Variants in CNST observed in about 807,000 individuals in gnomAD.
The protein encoded by CNST is consortin.
Under a neutral mutation model 72.4 loss-of-function variants are expected in CNST, and 39 were observed. The observed-to-expected ratio is 0.54, with a 90% CI of 0.42 to 0.70. The LOEUF (loss-of-function observed/expected upper bound fraction) is 0.70, where lower values mean the gene tolerates loss of function less well. Ranked by LOEUF, CNST falls within the 30% of genes least tolerant of loss-of-function variation. CNST has a pLI of 0.00. For synonymous variants in CNST, 332 were observed against 320.1 expected, an observed-to-expected ratio of 1.04 and a Z score of -0.40; for missense variants, 871 against 868.5, an observed-to-expected ratio of 1.00 and a Z score of -0.04.
chr1:246,590,228 C>T (rs1225350941), intron 1 of CNST, among the ~76,000 whole-genome samples: 2 of 152,154 alleles, frequency 1.3e-5, no homozygotes, highest in African/African-American at 4.8e-5. Flanking sequence ...ATCGAGCAAG[C>T]GTGGGGAGCG....
intron 2 of CNST, among the ~76,000 whole-genome samples, chr1:246,616,433 C>T (rs1457264298): frequency 6.6e-6 from 1 of 152,124 alleles, no homozygotes; most frequent in Non-Finnish European, 1.5e-5. Flanking sequence ...TGGTGTGTGC[C>T]TGTGGTTCCA....
chr1:246,649,363 A>G (rs1159435459), intron 9 of CNST, among the ~76,000 whole-genome samples: 1 of 152,190 alleles, frequency 6.6e-6, no homozygotes, highest in Non-Finnish European at 1.5e-5. Context: ...TTTTTCCACA[A>G]TGTTAAAAAT....
chr1:246,647,055 A>G, intron 8 of CNST, 84 bp from the exon 9 acceptor site: 1 of 1,204,834 alleles, frequency 8.3e-7, no homozygotes, highest in African/African-American at 1.5e-5. Context: ...TTGCTGTATT[A>G]CACATATTCA....
At chr1:246,622,882 G>A (rs917798948) in intron 3 of CNST, among the ~76,000 whole-genome samples, 4 of 152,046 alleles carry the variant, frequency 2.6e-5, no homozygotes, top group African/African-American at 4.8e-5. Flanking sequence ...GGAGTGCAGC[G>A]GCATGATCTC....
chr1:246,608,609 G>A (rs1448847707), intron 2 of CNST, among the ~76,000 whole-genome samples: 2 of 152,200 alleles, frequency 1.3e-5, no homozygotes, highest in African/African-American at 4.8e-5. Flanking sequence ...GGAGCTTGCG[G>A]GAGTCACATA....
At chr1:246,602,677 A>C (rs1558546937) in intron 2 of CNST, among the ~76,000 whole-genome samples, 1 of 152,298 alleles carries the variant, frequency 6.6e-6, no homozygotes, top group East Asian at 1.9e-4. Context: ...AGGTTGTAAA[A>C]GGGCACAAAT....
intron 1 of CNST, among the ~76,000 whole-genome samples, chr1:246,568,899 ATATATT>A (rs1659888973): frequency 6.6e-6 from 1 of 152,010 alleles, no homozygotes; most frequent in Non-Finnish European, 1.5e-5. Context: ...TTACATTTAA[ATATATT>A]TATTTATTTG....
intron 1 of CNST, among the ~76,000 whole-genome samples, chr1:246,585,701 ACACACACAC>A (rs1278988391): frequency 9.7e-4 from 138 of 142,656 alleles, no homozygotes; most frequent in African/African-American, 3.8e-3. Context: ...ACACACACAC[ACACACACAC>A]ACTATATATG....
intron 3 of CNST, among the ~76,000 whole-genome samples, chr1:246,625,096 A>G (rs1664329787): frequency 6.6e-6 from 1 of 152,222 alleles, no homozygotes; most frequent in Admixed American, 6.5e-5. Flanking sequence ...CATAACATAC[A>G]AGGCCATTAT....
chr1:246,621,214 C>T (rs1218077034), intron 2 of CNST, among the ~76,000 whole-genome samples: 1 of 152,198 alleles, frequency 6.6e-6, no homozygotes, highest in Non-Finnish European at 1.5e-5. Flanking sequence ...TGCTACTCTC[C>T]TAGCATCTAG....
chr1:246,639,406 A>AT (rs1471322482), intron 6 of CNST, among the ~76,000 whole-genome samples: 2 of 151,998 alleles, frequency 1.3e-5, no homozygotes, highest in Non-Finnish European at 2.9e-5. Flanking sequence ...AAAAGAGAGA[A>AT]TTTCTTGCTT....
chr1:246,631,791 A>T, intron 3 of CNST, 103 bp from the exon 4 acceptor site: 1 of 791,838 alleles, frequency 1.3e-6, no homozygotes, highest in Non-Finnish European at 2.2e-6. Flanking sequence ...TCTTAATTTG[A>T]TATCAAAAAC....
At chr1:246,633,429 A>G (rs1044017837) in intron 4 of CNST, among the ~76,000 whole-genome samples, 12 of 148,984 alleles carry the variant, frequency 8.1e-5, no homozygotes, top group African/African-American at 3.0e-4. Flanking sequence ...AGCCTCGGTG[A>G]CAGAGGGAGA....
At chr1:246,648,402 C>T (rs3129557) in intron 9 of CNST, among the ~76,000 whole-genome samples, 65,206 of 151,914 alleles carry the variant, frequency 0.43, 15,555 homozygotes, top group Non-Finnish European at 0.53. Context: ...ATACATCTAG[C>T]AGATAAAATA....
intron 1 of CNST, among the ~76,000 whole-genome samples, chr1:246,572,144 A>T (rs1272133241): frequency 6.6e-6 from 1 of 152,174 alleles, no homozygotes; most frequent in East Asian, 1.9e-4. Context: ...AGGTGGGAGG[A>T]TCACCTAAGC....
chr1:246,602,770 GA>G (rs1662380846), intron 2 of CNST, among the ~76,000 whole-genome samples: 1 of 152,146 alleles, frequency 6.6e-6, no homozygotes, highest in African/African-American at 2.4e-5. Flanking sequence ...AGGACCCCGT[GA>G]GAATGTAATG....
chr1:246,617,339 T>C (rs761522262), intron 2 of CNST, among the ~76,000 whole-genome samples: 1 of 152,258 alleles, frequency 6.6e-6, no homozygotes, highest in African/African-American at 2.4e-5. Context: ...ACTCCTATTA[T>C]TCACTATGAC....
At chr1:246,602,882 T>C (rs1439172674) in intron 2 of CNST, among the ~76,000 whole-genome samples, 1 of 117,012 alleles carries the variant, frequency 8.5e-6, no homozygotes, top group African/African-American at 2.9e-5. Context: ...AGTTAGATAG[T>C]TTTCTTTTTG....
At chr1:246,642,104 G>A in intron 8 of CNST, 67 bp downstream of exon 8, 1 of 554,964 alleles carries the variant, frequency 1.8e-6, no homozygotes, top group Non-Finnish European at 3.0e-6. Flanking sequence ...TTTTACAAGT[G>A]ATACATCTGA....
Sources: gnomAD v4.1 joint callset for allele counts (sites outside exome capture counted in the v4.1 genomes callset) on GRCh38, gnomAD v4.1.1 for gene constraint, MANE v1.5 for transcripts, NCBI Gene and HGNC (gene_info 2026-07-23, HGNC 2026-07-21) for gene names.